Variants in CFAP54 observed in about 807,000 individuals in gnomAD.
CFAP54 encodes the protein cilia and flagella associated protein 54.
In CFAP54, 290 loss-of-function variants were observed where a neutral mutation model predicts 370.4. The ratio of observed to expected loss-of-function variants is 0.78; its 90% confidence interval spans 0.71 to 0.86. The LOEUF (loss-of-function observed/expected upper bound fraction) is 0.86. Ranked by LOEUF, CFAP54 falls within the 40% of genes least tolerant of loss-of-function variation. The pLI, the probability that CFAP54 is intolerant of heterozygous loss-of-function variation, is 0.00. For synonymous variants in CFAP54, 1,206 were observed against 1,236.5 expected (o/e 0.98, Z 0.52); for missense variants, 3,399 against 3,528.7 (o/e 0.96, Z 0.93).
At chr12:96,526,885 G>GTTTTTTTTTTTTTTTTT (rs34080505) in intron 8 of CFAP54, among the ~76,000 whole-genome samples, 1 of 97,688 alleles carries the variant, frequency 1.0e-5, no homozygotes, top group Admixed American at 1.2e-4. Flanking sequence ...CTTATAACAG[G>GTTTTTTTTTTTTTTTTT]TTTTTTTTTT....
At chr12:96,658,712 G>A (rs1399351717) in intron 38 of CFAP54, among the ~76,000 whole-genome samples, 7 of 151,908 alleles carry the variant, frequency 4.6e-5, no homozygotes, top group Admixed American at 1.3e-4. Context: ...TGCAACCTCC[G>A]CCTCTTCCTT....
chr12:96,504,042 A>T lies in CFAP54; in HGVS notation c.567+13A>T. On this transcript the variant is annotated intron_variant, in intron 3 of 67. Transcript: ENST00000524981. ...TGCTGGACTTACAGTAAGATGAAAG[A>T]GCAGCTGAAATAGCTACAATTTATG... 1 of 1,495,806 alleles carries T rather than the reference A, an allele frequency of 6.7e-7. No homozygotes were observed. The highest frequency in any genetic ancestry group is 8.8e-7 in the Non-Finnish European group (1 of 1,133,206). 92.7% of individuals were successfully genotyped at this position (1,495,806 alleles called of 1,614,324 possible).
intron 67 of CFAP54, among the ~76,000 whole-genome samples, chr12:96,861,236 C>G (rs12426180): frequency 0.33 from 49,736 of 151,986 alleles, 9,464 homozygotes; most frequent in East Asian, 0.43. Flanking sequence ...TGGACAGGTC[C>G]ATAAAGCAAG....
chr12:96,788,948 A>G (rs578076151), intron 62 of CFAP54, among the ~76,000 whole-genome samples: 1 of 152,306 alleles, frequency 6.6e-6, no homozygotes, highest in East Asian at 1.9e-4. Flanking sequence ...CAGATTCTAA[A>G]TCATTCAGGA....
intron 50 of CFAP54, among the ~76,000 whole-genome samples, chr12:96,732,059 G>C (rs542093060): frequency 3.3e-4 from 50 of 152,194 alleles, no homozygotes; most frequent in African/African-American, 1.2e-3. Flanking sequence ...AGGAAAGACT[G>C]AGTGTAGAAA....
chr12:96,755,065 G>T (rs1313659486), intron 56 of CFAP54, among the ~76,000 whole-genome samples: 1 of 152,128 alleles, frequency 6.6e-6, no homozygotes, highest in Non-Finnish European at 1.5e-5. Flanking sequence ...ATATTTGAAG[G>T]CTGCAGCTCA....
intron 50 of CFAP54, among the ~76,000 whole-genome samples, chr12:96,725,718 T>C (rs1957824659): frequency 6.6e-6 from 1 of 152,218 alleles, no homozygotes; most frequent in African/African-American, 2.4e-5. Context: ...CTATGTTGAA[T>C]AGGAGTGGTG....
At chr12:96,636,239 A>G (rs942324642) in intron 32 of CFAP54, among the ~76,000 whole-genome samples, 2 of 152,192 alleles carry the variant, frequency 1.3e-5, no homozygotes, top group Non-Finnish European at 1.5e-5. Context: ...TATTTTTATT[A>G]TACCACACCA....
At chr12:96,581,289 C>A (rs766218696) in intron 22 of CFAP54, among the ~76,000 whole-genome samples, 184 bp downstream of exon 22, 2 of 152,044 alleles carry the variant, frequency 1.3e-5, no homozygotes, top group Admixed American at 6.6e-5. Context: ...AGTAAATTTG[C>A]TTTTTGACAA....
intron 63 of CFAP54, among the ~76,000 whole-genome samples, chr12:96,806,159 A>AATATAT (rs548500750): frequency 3.3e-3 from 91 of 27,818 alleles, no homozygotes; most frequent in East Asian, 4.1e-3. Flanking sequence ...TCACTAGCCA[A>AATATAT]ATATATATAT....
At chr12:96,827,100 A>G (rs1353996804) in intron 65 of CFAP54, among the ~76,000 whole-genome samples, 1 of 121,384 alleles carries the variant, frequency 8.2e-6, no homozygotes, top group Non-Finnish European at 1.6e-5. Flanking sequence ...ATAATGTGCA[A>G]TTATATGTGA....
chr12:96,722,462 T>C (rs1957768707), intron 50 of CFAP54, among the ~76,000 whole-genome samples: 1 of 152,186 alleles, frequency 6.6e-6, no homozygotes, highest in African/African-American at 2.4e-5. Context: ...TCCAGGCCTC[T>C]TGTGGCTGGG....
chr12:96,548,687 GA>G (rs1230095222), intron 15 of CFAP54, among the ~76,000 whole-genome samples: 1 of 152,094 alleles, frequency 6.6e-6, no homozygotes, highest in East Asian at 1.9e-4. Context: ...CTTAAATTGA[GA>G]ACAGAGACTG....
At chr12:96,629,006 A>G (rs1368852147) in intron 30 of CFAP54, among the ~76,000 whole-genome samples, 1 of 152,160 alleles carries the variant, frequency 6.6e-6, no homozygotes, top group Non-Finnish European at 1.5e-5. Flanking sequence ...GTATTGGTAA[A>G]AGGTCCGCTC....
chr12:96,696,240 C>A (rs1035480144), intron 45 of CFAP54, among the ~76,000 whole-genome samples: 2 of 152,018 alleles, frequency 1.3e-5, no homozygotes, highest in Non-Finnish European at 2.9e-5. Context: ...ATGAGTATAC[C>A]AGAGGTCGAT....
At chr12:96,604,026 G>A (rs1956273495) in intron 26 of CFAP54, among the ~76,000 whole-genome samples, 1 of 152,172 alleles carries the variant, frequency 6.6e-6, no homozygotes, top group African/African-American at 2.4e-5. Flanking sequence ...TTCCTTTGGA[G>A]AAGAGGCGTT....
At chr12:96,604,563 A>G (rs1316290097) in intron 26 of CFAP54, among the ~76,000 whole-genome samples, 1 of 152,186 alleles carries the variant, frequency 6.6e-6, no homozygotes, top group Non-Finnish European at 1.5e-5. Flanking sequence ...CTGCCCCTAG[A>G]GGTGGAATCT....
rs1475504639 is a variant in CFAP54, at chr12:96,724,207, G to A, written c.6965+3642G>A. 1.1e-3 allele frequency among the ~76,000 whole-genome samples: 160 copies of A among 150,080 alleles called. 1 individual carries two copies. Among genetic ancestry groups the A allele is most frequent in the Middle Eastern group, 0.01 (3 of 294 alleles). The stretch of plus-strand genomic sequence containing the variant: ...TATATACCCAGTAATGGGATGGCTG[G>A]GTCAAATGGTATTTCTAGTTCTAGA... On this transcript the variant is annotated intron_variant, in intron 50 of 67. Transcript: ENST00000524981.
At position 96,617,989 on chromosome 12, in the gene CFAP54, C is replaced by CAAA. The variant is rs3055732; in HGVS notation, c.3640-3593_3640-3591dup. On this transcript the variant is annotated intron_variant, in intron 26 of 67. Coordinates refer to ENST00000524981, the MANE Select transcript of CFAP54 (RefSeq NM_001306084.2). ...TGGGCAACAGAGCAAGACTTTGTCT[C>CAAA]AAAAAAAAAAGGAATATATTTATCT... Among the ~76,000 whole-genome samples, 7 of 117,138 alleles carry CAAA rather than the reference C, an allele frequency of 6.0e-5. No individual in the cohort carries two copies. The East Asian group carries it at 1.7e-3, about 28-fold the overall frequency. The allele number at this position is 117,138 out of a possible 152,430, so 76.8% of individuals were successfully genotyped here.
Sources: allele counts gnomAD v4.1 joint callset (sites outside exome capture counted in the v4.1 genomes callset), GRCh38; gene constraint gnomAD v4.1.1; transcripts MANE v1.5; gene names NCBI Gene and HGNC (gene_info 2026-07-23, HGNC 2026-07-21).